Variants in DACH1 observed in about 807,000 individuals in gnomAD.
DACH1 encodes the protein dachshund homolog 1.
In DACH1, 12 loss-of-function variants were observed where a neutral mutation model predicts 54.2. The observed-to-expected ratio is 0.22, with a 90% CI of 0.14 to 0.36. The LOEUF is 0.36. Ranked by LOEUF, DACH1 falls within the 10% of genes least tolerant of loss-of-function variation. DACH1 has a pLI of 1.00. For missense variants in DACH1, 805 were observed against 929.8 expected, an observed-to-expected ratio of 0.87 and a Z score of 1.75; for synonymous variants, 386 against 366.2, an observed-to-expected ratio of 1.05 and a Z score of -0.62.
intron 6 of DACH1, among the ~76,000 whole-genome samples, chr13:71,498,570 C>T (rs1056850897): frequency 6.7e-5 from 10 of 149,702 alleles, no homozygotes; most frequent in Non-Finnish European, 1.2e-4. Flanking sequence ...GGTTATATGC[C>T]AAAAGAGTGA....
At position 71,440,541 on chromosome 13, in the gene DACH1, A is replaced by G. The variant is rs1329166890; in HGVS notation, c.*114T>C. 2.4e-5 allele frequency: 20 copies of G among 825,556 alleles called. No individual in the cohort carries two copies. The highest frequency in any genetic ancestry group is 2.8e-5 in the Admixed American group (1 of 36,026). 51.1% of individuals were successfully genotyped at this position (825,556 alleles called of 1,614,324 possible). The stretch of plus-strand genomic sequence containing the variant: ...TTAAACTTTTAAAGAACATTAATAC[A>G]CAAAATTCAGGAAGTTCCCTTAAAA... On this transcript the variant is annotated 3_prime_UTR_variant, in exon 11 of 11. Coordinates refer to ENST00000613252, the MANE Select transcript of DACH1 (RefSeq NM_080759.6).
intron 1 of DACH1, among the ~76,000 whole-genome samples, chr13:71,778,168 G>A (rs1886146346): frequency 6.6e-6 from 1 of 151,196 alleles, no homozygotes; most frequent in African/African-American, 2.4e-5. Context: ...AATTGAAGTG[G>A]ACCTTATAAA....
At chr13:71,443,130 A>G (rs925874569) in intron 10 of DACH1, among the ~76,000 whole-genome samples, 42 of 150,294 alleles carry the variant, frequency 2.8e-4, no homozygotes, top group African/African-American at 1.0e-3. Flanking sequence ...CATATAATGA[A>G]CATCTCAAAT....
intron 1 of DACH1, among the ~76,000 whole-genome samples, chr13:71,733,665 T>C (rs1011611269): frequency 5.3e-5 from 8 of 152,146 alleles, no homozygotes; most frequent in African/African-American, 1.9e-4. Flanking sequence ...AGTGTGTTGG[T>C]GACTTCCTAA....
chr13:71,691,827 A>AT (rs1204336996), intron 1 of DACH1, among the ~76,000 whole-genome samples: 1 of 152,160 alleles, frequency 6.6e-6, no homozygotes, highest in Non-Finnish European at 1.5e-5. Flanking sequence ...AAATACATCG[A>AT]TACATAGAGA....
intron 1 of DACH1, among the ~76,000 whole-genome samples, chr13:71,693,584 C>T (rs1881649905): frequency 1.3e-5 from 2 of 150,594 alleles, no homozygotes; most frequent in South Asian, 2.1e-4. Flanking sequence ...TCCCAAAGTG[C>T]TGGGATTACA....
intron 3 of DACH1, among the ~76,000 whole-genome samples, chr13:71,626,236 G>T (rs1209537188): frequency 6.6e-6 from 1 of 151,856 alleles, no homozygotes; most frequent in African/African-American, 2.4e-5. Flanking sequence ...AAATAACATA[G>T]AAACGATTAA....
At chr13:71,441,864 T>C (rs1219147597) in intron 10 of DACH1, among the ~76,000 whole-genome samples, 1 of 152,096 alleles carries the variant, frequency 6.6e-6, no homozygotes, top group Non-Finnish European at 1.5e-5. Context: ...CTCATTTTTT[T>C]CTATTTTTTA....
chr13:71,765,977 C>T (rs867269432), intron 1 of DACH1, among the ~76,000 whole-genome samples: 1 of 151,578 alleles, frequency 6.6e-6, no homozygotes, highest in Non-Finnish European at 1.5e-5. Flanking sequence ...AGCTCCGCCT[C>T]CCGGGTTCAC....
intron 1 of DACH1, among the ~76,000 whole-genome samples, chr13:71,769,102 G>A (rs1185203568): frequency 6.6e-6 from 1 of 151,796 alleles, no homozygotes; most frequent in Non-Finnish European, 1.5e-5. Context: ...TACAAATAGT[G>A]TGAGTTTGTT....
intron 10 of DACH1, among the ~76,000 whole-genome samples, chr13:71,441,220 C>T (rs554250565): frequency 1.3e-5 from 2 of 152,116 alleles, no homozygotes; most frequent in South Asian, 2.1e-4. Flanking sequence ...ATAGCCTTTA[C>T]CCCTTGAAGT....
At chr13:71,838,767 T>C (rs1192403531) in intron 1 of DACH1, among the ~76,000 whole-genome samples, 1 of 152,192 alleles carries the variant, frequency 6.6e-6, no homozygotes, top group African/African-American at 2.4e-5. Flanking sequence ...GCACTATCCT[T>C]TGCACTTGTC....
At chr13:71,663,453 T>C (rs1879637757) in intron 2 of DACH1, among the ~76,000 whole-genome samples, 2 of 151,954 alleles carry the variant, frequency 1.3e-5, no homozygotes, top group African/African-American at 4.8e-5. Context: ...GAGCCTAGGT[T>C]CAGGTGAAAA....
intron 1 of DACH1, among the ~76,000 whole-genome samples, chr13:71,713,793 A>G (rs1193723654): frequency 6.6e-6 from 1 of 152,132 alleles, no homozygotes; most frequent in Non-Finnish European, 1.5e-5. Flanking sequence ...TCCAGTTTTC[A>G]AGAATTTGTA....
chr13:71,839,723 T>A (rs545699020), intron 1 of DACH1, among the ~76,000 whole-genome samples: 4 of 152,310 alleles, frequency 2.6e-5, no homozygotes, highest in African/African-American at 9.6e-5. Flanking sequence ...ATCCCCTGGA[T>A]AATTCACAAG....
intron 1 of DACH1, among the ~76,000 whole-genome samples, chr13:71,737,671 C>A (rs1247633115): frequency 6.6e-6 from 1 of 152,078 alleles, no homozygotes; most frequent in Non-Finnish European, 1.5e-5. Flanking sequence ...TGGCTTCAAA[C>A]ATAAATGGAA....
At chr13:71,759,359 G>T (rs1885304937) in intron 1 of DACH1, among the ~76,000 whole-genome samples, 1 of 151,542 alleles carries the variant, frequency 6.6e-6, no homozygotes, top group Admixed American at 6.6e-5. Flanking sequence ...GCCTTTTTTG[G>T]GATTAAGTTC....
rs541667216 is a variant in DACH1, at chr13:71,453,670, A to C, written c.2084-12978T>G. On this transcript the variant is annotated intron_variant, in intron 10 of 10. Transcript: ENST00000613252. ...CATGACTAATTTGTTACTTTTAATA[A>C]ACATTATACTTGTTTAGGGAGGTAA... Among the ~76,000 whole-genome samples, 12 of 152,238 alleles carry C rather than the reference A, an allele frequency of 7.9e-5. No individual in the cohort carries two copies. The East Asian group carries it at 1.7e-3, about 22-fold the overall frequency.
intron 1 of DACH1, among the ~76,000 whole-genome samples, chr13:71,856,170 C>T (rs746380478): frequency 9.9e-5 from 15 of 151,856 alleles, no homozygotes; most frequent in African/African-American, 3.4e-4. Context: ...ACCCAGAAGG[C>T]TCCAATATTA....
Sources: gnomAD v4.1 joint callset for allele counts (sites outside exome capture counted in the v4.1 genomes callset) on GRCh38, gnomAD v4.1.1 for gene constraint, MANE v1.5 for transcripts, NCBI Gene and HGNC (gene_info 2026-07-23, HGNC 2026-07-21) for gene names.